The following RBMS3 variants were observed in gnomAD, a reference collection of about 807,000 sequenced individuals.
RBMS3 encodes the protein RNA-binding motif, single-stranded-interacting protein 3.
A neutral mutation model predicts 66.8 loss-of-function variants in RBMS3; 27 were observed. The ratio of observed to expected loss-of-function variants is 0.40; its 90% CI spans 0.30 to 0.56. The LOEUF (loss-of-function observed/expected upper bound fraction) is 0.56. RBMS3 is among the 20% of genes least tolerant of loss of function. The pLI, the probability that RBMS3 is intolerant of heterozygous loss-of-function variation, is 0.40. For synonymous variants in RBMS3, 188 were observed against 183.0 expected, an observed-to-expected ratio of 1.03 and a Z score of -0.22; for missense variants, 513 against 549.5, an observed-to-expected ratio of 0.93 and a Z score of 0.66.
intron 6 of RBMS3, among the ~76,000 whole-genome samples, chr3:29,833,695 A>G (rs1576944171): frequency 1.3e-5 from 2 of 152,270 alleles, no homozygotes; most frequent in South Asian, 4.1e-4. Flanking sequence ...ATGGAACAAT[A>G]TCAAGAAAGC....
At chr3:29,444,010 G>A (rs1397899505) in intron 2 of RBMS3, among the ~76,000 whole-genome samples, 1 of 152,036 alleles carries the variant, frequency 6.6e-6, no homozygotes, top group Non-Finnish European at 1.5e-5. Context: ...GAAATCAAGA[G>A]CTCTTCTTAG....
chr3:29,884,471 C>CTCTCTCTCTCTCTCTCTCTCTCT (rs1553692504), intron 8 of RBMS3, among the ~76,000 whole-genome samples: 1 of 38,932 alleles, frequency 2.6e-5, no homozygotes, highest in African/African-American at 7.2e-5. Context: ...TCTCTCTCTC[C>CTCTCTCTCTCTCTCTCTCTCTCT]CCCCCCGCTC....
chr3:29,667,383 CT>C (rs2050811731), intron 4 of RBMS3, among the ~76,000 whole-genome samples: 1 of 152,162 alleles, frequency 6.6e-6, no homozygotes, highest in Non-Finnish European at 1.5e-5. Flanking sequence ...CAGTATACCC[CT>C]GAGAACTTGT....
intron 5 of RBMS3, among the ~76,000 whole-genome samples, chr3:29,747,965 C>T (rs2055000187): frequency 1.3e-5 from 2 of 152,146 alleles, no homozygotes; most frequent in African/African-American, 4.8e-5. Flanking sequence ...CCTGCTGCCT[C>T]TATCAGGGAG....
chr3:29,362,316 C>T (rs2037647314), intron 1 of RBMS3, among the ~76,000 whole-genome samples: 2 of 145,870 alleles, frequency 1.4e-5, no homozygotes, highest in African/African-American at 5.6e-5. Flanking sequence ...AGGTCCACTC[C>T]AGACCCTGTT....
chr3:29,440,452 T>G (rs1012276644), intron 2 of RBMS3, among the ~76,000 whole-genome samples: 1 of 152,156 alleles, frequency 6.6e-6, no homozygotes, highest in African/African-American at 2.4e-5. Context: ...AGAGGGAAAC[T>G]CTTGGGTAGG....
intron 12 of RBMS3, among the ~76,000 whole-genome samples, chr3:29,974,270 C>T (rs983118412): frequency 6.6e-6 from 1 of 151,876 alleles, no homozygotes; most frequent in African/African-American, 2.4e-5. Flanking sequence ...TCATTTTCAC[C>T]TCACATCTTG....
intron 1 of RBMS3, among the ~76,000 whole-genome samples, chr3:29,414,113 T>C (rs901720794): frequency 2.0e-5 from 3 of 152,368 alleles, no homozygotes; most frequent in Non-Finnish European, 4.4e-5. Context: ...AGGTAACTTG[T>C]GTCCTTTCTA....
intron 3 of RBMS3, among the ~76,000 whole-genome samples, chr3:29,494,167 T>A (rs891012935): frequency 3.9e-5 from 6 of 152,212 alleles, no homozygotes; most frequent in African/African-American, 1.4e-4. Flanking sequence ...ACTTGTCTCC[T>A]TAGAGATAAA....
At chr3:29,451,445 C>G (rs941102804) in intron 2 of RBMS3, among the ~76,000 whole-genome samples, 2 of 152,076 alleles carry the variant, frequency 1.3e-5, no homozygotes, top group African/African-American at 4.8e-5. Flanking sequence ...TTGGGGACAT[C>G]AGGAAATGGT....
intron 6 of RBMS3, among the ~76,000 whole-genome samples, chr3:29,829,475 T>C (rs1482997657): frequency 6.6e-6 from 1 of 152,198 alleles, no homozygotes; most frequent in Non-Finnish European, 1.5e-5. Flanking sequence ...ATTTCTTCTC[T>C]TCCTCTCACC....
chr3:29,991,263 A>T, intron 14 of RBMS3, 54 bp downstream of exon 14: 1 of 1,611,184 alleles, frequency 6.2e-7, no homozygotes, highest in East Asian at 2.2e-5. Context: ...TCTTGACATC[A>T]CTCTCTCATG....
At chr3:29,658,339 G>A (rs2050398005) in intron 4 of RBMS3, among the ~76,000 whole-genome samples, 1 of 152,168 alleles carries the variant, frequency 6.6e-6, no homozygotes, top group East Asian at 1.9e-4. Context: ...AGTCACCTGA[G>A]TGTCATGTTA....
chr3:29,514,995 G>A (rs2044567978), intron 3 of RBMS3, among the ~76,000 whole-genome samples: 1 of 152,050 alleles, frequency 6.6e-6, no homozygotes, highest in Non-Finnish European at 1.5e-5. Flanking sequence ...GAGCCACTAT[G>A]TTCAAGATCA....
At chr3:29,374,740 A>T (rs960015328) in intron 1 of RBMS3, among the ~76,000 whole-genome samples, 2 of 152,230 alleles carry the variant, frequency 1.3e-5, no homozygotes, top group African/African-American at 4.8e-5. Context: ...ACCTAATAAA[A>T]ACTTGAGCAG....
At chr3:29,849,698 C>G (rs987768975) in intron 6 of RBMS3, among the ~76,000 whole-genome samples, 2 of 151,996 alleles carry the variant, frequency 1.3e-5, no homozygotes, top group African/African-American at 4.8e-5. Flanking sequence ...AGAACAAAAT[C>G]AACAAACATC....
intron 1 of RBMS3, among the ~76,000 whole-genome samples, chr3:29,392,922 A>AAAAAAAC (rs2039371238): frequency 1.3e-5 from 2 of 152,008 alleles, no homozygotes; most frequent in Non-Finnish European, 2.9e-5. Context: ...AACAAGAAAA[A>AAAAAAAC]AAGGAAGACT....
At chr3:29,528,893 C>T (rs746743657) in intron 3 of RBMS3, among the ~76,000 whole-genome samples, 3 of 151,862 alleles carry the variant, frequency 2.0e-5, no homozygotes, top group Non-Finnish European at 4.4e-5. Context: ...GTCACCACAC[C>T]CAGCTAATTT....
At chr3:29,375,244 C>T (rs1177311487) in intron 1 of RBMS3, among the ~76,000 whole-genome samples, 1 of 152,196 alleles carries the variant, frequency 6.6e-6, no homozygotes, top group African/African-American at 2.4e-5. Context: ...GAACTCCAAG[C>T]TGTAAAAATC....
Sources: allele counts gnomAD v4.1 joint callset (sites outside exome capture counted in the v4.1 genomes callset), GRCh38; gene constraint gnomAD v4.1.1; transcripts MANE v1.5; gene names NCBI Gene and HGNC (gene_info 2026-07-23, HGNC 2026-07-21).